The following RAB7B variants were observed in gnomAD, a reference collection of about 807,000 sequenced individuals.
The protein encoded by RAB7B is RAB7B, member RAS oncogene family, also known as ras-related protein Rab-7b.
intron 1 of RAB7B, among the ~76,000 whole-genome samples, chr1:206,001,433 G>C (rs1048320141): frequency 6.6e-6 from 1 of 152,162 alleles, no homozygotes; most frequent in African/African-American, 2.4e-5. Flanking sequence ...CATCTCAGCT[G>C]TGAAATGTAT....
intron 4 of RAB7B, among the ~76,000 whole-genome samples, chr1:205,987,621 A>G (rs1013919380): frequency 6.6e-6 from 1 of 152,246 alleles, no homozygotes; most frequent in Non-Finnish European, 1.5e-5. Flanking sequence ...CATGATCTTA[A>G]GTCTACGGAA....
intron 1 of RAB7B, among the ~76,000 whole-genome samples, chr1:205,995,198 G>A (rs1660789878): frequency 1.3e-5 from 2 of 152,004 alleles, no homozygotes; most frequent in Non-Finnish European, 2.9e-5. Context: ...CATGGTGCAT[G>A]TGTACATATG....
chr1:205,993,944 C>G (rs1448975741), intron 2 of RAB7B, 139 bp downstream of exon 2: 5 of 396,524 alleles, frequency 1.3e-5, no homozygotes, highest in African/African-American at 4.1e-5. Flanking sequence ...AACTAAGCTT[C>G]TTTTCTGGGG....
chr1:205,983,373 G>A (rs1399962751), intron 5 of RAB7B, among the ~76,000 whole-genome samples: 2 of 152,082 alleles, frequency 1.3e-5, no homozygotes, highest in African/African-American at 4.8e-5. Context: ...ACTTCTCCCA[G>A]CAGGCATCCT....
intron 5 of RAB7B, among the ~76,000 whole-genome samples, chr1:205,979,656 C>A (rs1020934195): frequency 6.6e-6 from 1 of 152,154 alleles, no homozygotes; most frequent in Admixed American, 6.5e-5. Flanking sequence ...CATCTCTTCA[C>A]GCTGCTATGG....
At chr1:206,000,313 T>C (rs1660870863) in intron 1 of RAB7B, among the ~76,000 whole-genome samples, 2 of 152,380 alleles carry the variant, frequency 1.3e-5, no homozygotes, top group South Asian at 4.1e-4. Context: ...TTTTGTAATT[T>C]AAGAATATCA....
intron 1 of RAB7B, among the ~76,000 whole-genome samples, chr1:205,996,510 C>T (rs1660815002): frequency 1.3e-5 from 2 of 152,178 alleles, no homozygotes; most frequent in African/African-American, 2.4e-5. Flanking sequence ...AGCTGAGCCC[C>T]AAAGACTCAA....
chr1:205,979,171 C>T (rs1660441783), intron 5 of RAB7B, among the ~76,000 whole-genome samples: 1 of 152,292 alleles, frequency 6.6e-6, no homozygotes, highest in South Asian at 2.1e-4. Context: ...GCCCAAGTCT[C>T]CTGACCTCCA....
chr1:205,998,687 C>G lies in RAB7B; in HGVS notation c.-16-4536G>C, dbSNP rs919087082. 2.0e-5 allele frequency among the ~76,000 whole-genome samples: 3 copies of G among 152,176 alleles called. No homozygotes were observed. The East Asian group carries it at 5.8e-4, about 29-fold the overall frequency. On this transcript the variant is annotated intron_variant, in intron 1 of 5. Transcript: ENST00000617070. Reference sequence around the variant, plus strand: ...ACGACCATGCAGCAGGGCTGGAGTACGTCTCACGTTACAAGCTAACATTTG... The same window carrying G: ...ACGACCATGCAGCAGGGCTGGAGTAGGTCTCACGTTACAAGCTAACATTTG...
chr1:205,995,625 A>G (rs1292839924), intron 1 of RAB7B, among the ~76,000 whole-genome samples: 2 of 152,238 alleles, frequency 1.3e-5, no homozygotes, highest in African/African-American at 4.8e-5. Context: ...TAAGTGAAAT[A>G]ACCCAGGCAA....
At chr1:205,992,349 C>T in intron 4 of RAB7B, 131 bp downstream of exon 4, 1 of 397,162 alleles carries the variant, frequency 2.5e-6, no homozygotes, top group East Asian at 3.6e-5. Context: ...GTATCTACTA[C>T]TAGACTGTGA....
chr1:205,997,893 G>A (rs1660829561), intron 1 of RAB7B, among the ~76,000 whole-genome samples: 1 of 152,198 alleles, frequency 6.6e-6, no homozygotes. Flanking sequence ...AGAAGAGGCA[G>A]CACTGGCTGA....
chr1:205,988,624 A>T (rs2102637143), intron 4 of RAB7B, among the ~76,000 whole-genome samples: 1 of 152,270 alleles, frequency 6.6e-6, no homozygotes, highest in East Asian at 1.9e-4. Flanking sequence ...AATAATAAGG[A>T]GGATCATTTC....
At chr1:205,984,318 G>A (rs1660552021) in intron 5 of RAB7B, 1 of 152,300 alleles carries the variant, frequency 6.6e-6, no homozygotes, top group South Asian at 2.1e-4. Context: ...GCTAGAGGTA[G>A]CTGCTGCCTC....
rs1038544532 is a variant in RAB7B, at chr1:205,993,770, C to T, written c.54-224G>A. On this transcript the variant is annotated intron_variant, in intron 2 of 5. Coordinates refer to ENST00000617070, the MANE Select transcript of RAB7B (RefSeq NM_001164522.3). ...CAAAGTGAGCAGAGTAGTCTGGAGA[C>T]GGTGGAATATCTCACAGTGGTGGTC... Among the ~76,000 whole-genome samples the T allele has an allele frequency of 8.1e-3, 1,229 of 152,234 alleles. 17 individuals are homozygous for T. The highest frequency in any genetic ancestry group is 0.026 in the African/African-American group (1,072 of 41,534).
chr1:205,994,533 C>G (rs1188871410), intron 1 of RAB7B: 1 of 156,246 alleles, frequency 6.4e-6, no homozygotes, highest in Non-Finnish European at 1.4e-5. Context: ...TGGGGGTGGG[C>G]AGGACAAGGG....
chr1:205,981,508 C>CATGATGTTA (rs1660489975), intron 5 of RAB7B, among the ~76,000 whole-genome samples: 6 of 152,224 alleles, frequency 3.9e-5, no homozygotes, highest in Admixed American at 6.5e-5. Flanking sequence ...TGATTTCTTT[C>CATGATGTTA]ACAATGTTAA....
intron 4 of RAB7B, among the ~76,000 whole-genome samples, chr1:205,988,917 C>T (rs1399057227): frequency 6.6e-6 from 1 of 152,088 alleles, no homozygotes; most frequent in African/African-American, 2.4e-5. Context: ...ATTTGAGGGC[C>T]GGCACTTCCC....
chr1:205,992,608 C>T lies in RAB7B; in HGVS notation c.268G>A (p.Val90Ile). Residue 90 changes from valine to isoleucine, a missense_variant, in exon 4 of 6, where the codon GTC (valine) becomes ATC (isoleucine). Physicochemically the swap from Val to Ile is conservative, Grantham distance 29. Coordinates refer to ENST00000617070, the MANE Select transcript of RAB7B (RefSeq NM_001164522.3). ...GCTTCAAAAGACTCCAGGTCGGTGA[C>T]ATCAAAAGCTAGGATGCAGCCATCG... ...GSDGCILAFDVTDLESFEALD... is the reference protein window; with the variant it reads ...GSDGCILAFDITDLESFEALD... 2 of 398,772 alleles carry T rather than the reference C, an allele frequency of 5.0e-6. No homozygotes were observed. The highest frequency in any genetic ancestry group is 3.6e-5 in the East Asian group (1 of 28,084). 24.7% of individuals were successfully genotyped at this position (398,772 alleles called of 1,614,324 possible).
Sources: allele counts gnomAD v4.1 joint callset (sites outside exome capture counted in the v4.1 genomes callset), GRCh38; gene constraint gnomAD v4.1.1; transcripts MANE v1.5; gene names NCBI Gene and HGNC (gene_info 2026-07-23, HGNC 2026-07-21).